KIF21A: variants seen among roughly 807,000 people sequenced by gnomAD.
KIF21A encodes the protein kinesin-like protein KIF21A.
In KIF21A, 114 loss-of-function variants were observed where a neutral mutation model predicts 202.9. The observed-to-expected ratio is 0.56, with a 90% CI of 0.48 to 0.66. The LOEUF (loss-of-function observed/expected upper bound fraction) is 0.66, where lower values mean the gene tolerates loss of function less well. Ranked by LOEUF, KIF21A falls within the 30% of genes least tolerant of loss-of-function variation. The pLI is 0.00. For missense variants in KIF21A, 1,677 were observed against 1,994.9 expected, an observed-to-expected ratio of 0.84 and a Z score of 3.04; for synonymous variants, 667 against 670.8, an observed-to-expected ratio of 0.99 and a Z score of 0.09.
At chr12:39,407,333 A>T (rs1168427626) in intron 1 of KIF21A, among the ~76,000 whole-genome samples, 2 of 152,196 alleles carry the variant, frequency 1.3e-5, no homozygotes, top group African/African-American at 4.8e-5. Flanking sequence ...TCTGGCTACC[A>T]GATTTCTCTA....
chr12:39,416,701 ACATATATATGTGTG>A (rs1953690575), intron 1 of KIF21A, among the ~76,000 whole-genome samples: 2 of 101,278 alleles, frequency 2.0e-5, no homozygotes, highest in Non-Finnish European at 3.6e-5. Context: ...ATATATATGT[ACATATATATGTGTG>A]TATATATGTA....
Position 39,366,427 on chromosome 12 carries a change from C to T in KIF21A, c.826G>A (p.Ala276Thr), listed in dbSNP as rs1272845957. ...LTAKFHFVDL[A>T]GSERLKRTGA... is the part of the protein sequence containing the mutation. ...GTACGCTTCAGTCTTTCAGATCCTG[C>T]GAGATCAACAAAATGGAACTTTGCA... The change falls in exon 6 of 38, where the codon GCA becomes ACA. Residue 276 changes from alanine (A) to threonine (T), a missense_variant. Ala to Thr is a moderately conservative substitution (Grantham distance 58). Coordinates refer to ENST00000361418, the MANE Select transcript of KIF21A (RefSeq NM_001173464.2). 1.9e-6 allele frequency: 3 copies of T among 1,613,870 alleles called. No individual in the cohort carries two copies. The highest frequency in any genetic ancestry group is 1.7e-6 in the Non-Finnish European group (2 of 1,179,820).
chr12:39,413,297 T>G (rs974133242), intron 1 of KIF21A, among the ~76,000 whole-genome samples: 9 of 152,204 alleles, frequency 5.9e-5, no homozygotes, highest in African/African-American at 2.2e-4. Flanking sequence ...GTAGCTTATA[T>G]TGCATGCCTA....
At chr12:39,400,238 C>T (rs921088746) in intron 1 of KIF21A, among the ~76,000 whole-genome samples, 5 of 152,142 alleles carry the variant, frequency 3.3e-5, no homozygotes, top group African/African-American at 1.2e-4. Context: ...AGCTGAGAGT[C>T]CAAGATCTTT....
At chr12:39,410,624 C>A (rs1426124478) in intron 1 of KIF21A, among the ~76,000 whole-genome samples, 22 of 152,124 alleles carry the variant, frequency 1.4e-4, no homozygotes. Flanking sequence ...CACTGTAGAA[C>A]ACACATTCTT....
intron 1 of KIF21A, among the ~76,000 whole-genome samples, chr12:39,389,621 C>A (rs1951201917): frequency 6.6e-6 from 1 of 152,080 alleles, no homozygotes. Flanking sequence ...ACACATTTAC[C>A]GTAATCAGAT....
intron 17 of KIF21A, among the ~76,000 whole-genome samples, chr12:39,335,788 C>T (rs1946912314): frequency 6.6e-6 from 1 of 152,060 alleles, no homozygotes; most frequent in Non-Finnish European, 1.5e-5. Flanking sequence ...TTTAAATGCC[C>T]AGGAATTAAC....
intron 1 of KIF21A, among the ~76,000 whole-genome samples, chr12:39,397,715 G>A (rs192589082): frequency 4.2e-4 from 64 of 152,242 alleles, no homozygotes; most frequent in Middle Eastern, 3.4e-3. Context: ...TAGGGCCCTG[G>A]GATCTATATC....
In KIF21A at chr12:39,432,569, TAGCA is replaced by T. The variant is rs1938090920; in HGVS notation, c.44+10354_44+10357del. 2.0e-5 allele frequency among the ~76,000 whole-genome samples: 3 copies of T among 151,994 alleles called. No homozygotes were observed. In the East Asian group the frequency reaches 5.8e-4, roughly 29 times the overall value. On this transcript the variant is annotated intron_variant, in intron 1 of 37. Coordinates refer to ENST00000361418, the MANE Select transcript of KIF21A (RefSeq NM_001173464.2). ...AATAAAGCAGATGGTGTATAATATT[TAGCA>T]TGTTACTCAAAATGCCCTTCCTTAA...
At chr12:39,303,482 T>C (rs1488862262) in intron 35 of KIF21A, among the ~76,000 whole-genome samples, 2 of 152,130 alleles carry the variant, frequency 1.3e-5, no homozygotes, top group Admixed American at 1.3e-4. Flanking sequence ...TGTTTTGTTT[T>C]GTTATTTGTT....
chr12:39,312,875 A>G (rs896154210), intron 31 of KIF21A: 2 of 151,950 alleles, frequency 1.3e-5, no homozygotes, highest in African/African-American at 4.8e-5. Flanking sequence ...GAATTAAGAC[A>G]TGACAAACAG....
chr12:39,380,998 T>C (rs2139424480), intron 1 of KIF21A, among the ~76,000 whole-genome samples: 1 of 152,226 alleles, frequency 6.6e-6, no homozygotes, highest in African/African-American at 2.4e-5. Context: ...TTCATAATAG[T>C]ATATGTTTTA....
intron 24 of KIF21A, chr12:39,329,952 G>A (rs1238120859): frequency 6.1e-6 from 2 of 326,102 alleles, no homozygotes; most frequent in Non-Finnish European, 1.1e-5. Flanking sequence ...CTATAAGGAA[G>A]AGAAAGAACA....
rs568116472 is a variant in KIF21A, at chr12:39,395,294, C to T, written c.45-25033G>A. 2.6e-5 allele frequency among the ~76,000 whole-genome samples: 4 copies of T among 152,290 alleles called. No homozygotes were observed. In the South Asian group the frequency reaches 6.2e-4, roughly 24 times the overall value. On this transcript the variant is annotated intron_variant, in intron 1 of 37. Transcript: ENST00000361418. ...GCTGACTCATTTCTGCCTTCAAATA[C>T]TTCAAGCTCTTTCTCTTTCCATTGC...
intron 14 of KIF21A, 130 bp from the exon 15 acceptor site, chr12:39,341,224 T>A: frequency 1.2e-6 from 1 of 829,194 alleles, no homozygotes; most frequent in Non-Finnish European, 1.9e-6. Context: ...AAAAATTTCC[T>A]GGAAAAACCA....
intron 28 of KIF21A, among the ~76,000 whole-genome samples, chr12:39,318,980 C>CA (rs547322135): frequency 0.02 from 1,682 of 86,056 alleles, 26 homozygotes; most frequent in African/African-American, 0.054. Context: ...GACTCCGTCT[C>CA]AAAAAAAAAA....
chr12:39,313,419 A>G (rs1944223194), intron 31 of KIF21A, among the ~76,000 whole-genome samples: 1 of 151,906 alleles, frequency 6.6e-6, no homozygotes, highest in Non-Finnish European at 1.5e-5. Context: ...ATGGATACCA[A>G]TTTAAGGGAA....
chr12:39,309,277 A>C (rs1022443883), intron 33 of KIF21A, among the ~76,000 whole-genome samples: 2 of 152,182 alleles, frequency 1.3e-5, no homozygotes, highest in Admixed American at 6.5e-5. Flanking sequence ...GAACTCTATC[A>C]AGTAAGAAAT....
chr12:39,440,914 C>A (rs970986310), intron 1 of KIF21A, among the ~76,000 whole-genome samples: 1 of 151,962 alleles, frequency 6.6e-6, no homozygotes, highest in Non-Finnish European at 1.5e-5. Flanking sequence ...ACTCAGCAGG[C>A]TGAGATTAGA....
Sources: allele counts gnomAD v4.1 joint callset (sites outside exome capture counted in the v4.1 genomes callset), GRCh38; gene constraint gnomAD v4.1.1; transcripts MANE v1.5; gene names NCBI Gene and HGNC (gene_info 2026-07-23, HGNC 2026-07-21).